The following DOCK9 variants were observed in gnomAD, a reference collection of about 807,000 sequenced individuals.
DOCK9 encodes the protein dedicator of cytokinesis protein 9.
A neutral mutation model predicts 263.3 loss-of-function variants in DOCK9; 89 were observed. That is an observed-to-expected ratio of 0.34 (90% CI 0.28 to 0.40). DOCK9 has a LOEUF of 0.40. Among genes scored for constraint, DOCK9 ranks in the 10% least tolerant of loss-of-function variants. The probability of loss-of-function intolerance (pLI) is 1.00; values close to 1 mark genes in which losing one functional copy is unlikely to be tolerated. For synonymous variants in DOCK9, 976 were observed against 973.1 expected, an observed-to-expected ratio of 1.00 and a Z score of -0.06; for missense variants, 2,140 against 2,603.4, an observed-to-expected ratio of 0.82 and a Z score of 3.87.
At chr13:98,833,694 A>C (rs1311342966) in intron 39 of DOCK9, among the ~76,000 whole-genome samples, 1 of 152,208 alleles carries the variant, frequency 6.6e-6, no homozygotes, top group Admixed American at 6.5e-5. Flanking sequence ...TTTTAAAAAG[A>C]CGTAAATAAC....
At chr13:98,817,735 GATA>G (rs2091981652) in intron 45 of DOCK9, among the ~76,000 whole-genome samples, 1 of 134,018 alleles carries the variant, frequency 7.5e-6, no homozygotes, top group African/African-American at 2.8e-5. Context: ...ACATGATACA[GATA>G]ATTGAGTTCA....
At chr13:98,830,972 C>T (rs189863501) in intron 41 of DOCK9, among the ~76,000 whole-genome samples, 1 of 152,292 alleles carries the variant, frequency 6.6e-6, no homozygotes, top group East Asian at 1.9e-4. Flanking sequence ...TTTAATTCTG[C>T]AGAGATAGCA....
intron 2 of DOCK9, among the ~76,000 whole-genome samples, chr13:98,935,278 CAATA>C (rs569909480): frequency 7.2e-5 from 11 of 151,900 alleles, no homozygotes; most frequent in African/African-American, 1.5e-4. Flanking sequence ...AACTCTTTGC[CAATA>C]AATAAATAAA....
At chr13:98,822,455 G>A (rs1471651862) in intron 45 of DOCK9, among the ~76,000 whole-genome samples, 2 of 152,160 alleles carry the variant, frequency 1.3e-5, no homozygotes, top group African/African-American at 4.8e-5. Flanking sequence ...TCCTGGCATC[G>A]TTGCTTTCCT....
chr13:98,848,880 GC>G (rs1166492462), intron 36 of DOCK9, among the ~76,000 whole-genome samples: 1 of 152,032 alleles, frequency 6.6e-6, no homozygotes, highest in African/African-American at 2.4e-5. Context: ...GTGGTGGCTG[GC>G]TAAAGCAACA....
chr13:98,903,531 C>T (rs544306827), intron 10 of DOCK9, among the ~76,000 whole-genome samples: 28 of 137,510 alleles, frequency 2.0e-4, no homozygotes, highest in Non-Finnish European at 1.2e-4. Context: ...ACCCAGGAGG[C>T]GGAGCTTGCA....
chr13:98,815,742 A>G (rs2091783022), intron 45 of DOCK9, among the ~76,000 whole-genome samples: 1 of 152,162 alleles, frequency 6.6e-6, no homozygotes, highest in Non-Finnish European at 1.5e-5. Context: ...TGGCCTCCCA[A>G]AGTGCTGGGA....
intron 1 of DOCK9, among the ~76,000 whole-genome samples, chr13:99,061,662 A>T (rs1452492914): frequency 6.6e-6 from 1 of 152,046 alleles, no homozygotes; most frequent in Admixed American, 6.5e-5. Flanking sequence ...TGAGTATCCC[A>T]GTGAGGTTTC....
intron 1 of DOCK9, chr13:99,015,902 T>A: frequency 1.9e-6 from 1 of 516,306 alleles, no homozygotes; most frequent in Non-Finnish European, 2.6e-6. Context: ...GCTTCACTCT[T>A]AATACCAAAG....
intron 1 of DOCK9, among the ~76,000 whole-genome samples, chr13:99,018,578 G>A (rs1441550758): frequency 6.6e-6 from 1 of 152,136 alleles, no homozygotes; most frequent in African/African-American, 2.4e-5. Context: ...AAAATTAGTG[G>A]GCTCTTGAAA....
intron 2 of DOCK9, among the ~76,000 whole-genome samples, chr13:98,947,507 T>A (rs1214013872): frequency 1.3e-4 from 3 of 23,986 alleles, no homozygotes; most frequent in Non-Finnish European, 2.4e-4. Context: ...CTATTCAGAA[T>A]TTTTTTTTTT....
chr13:98,935,785 T>A (rs2054718708), intron 2 of DOCK9, among the ~76,000 whole-genome samples: 1 of 151,684 alleles, frequency 6.6e-6, no homozygotes, highest in Non-Finnish European at 1.5e-5. Flanking sequence ...AAATAAAAAA[T>A]AATAATAAAA....
intron 14 of DOCK9, 147 bp from the exon 15 acceptor site, chr13:98,897,757 A>G: frequency 8.6e-7 from 1 of 1,162,340 alleles, no homozygotes. Context: ...CATGGAAAAC[A>G]TCTATGGGGA....
chr13:99,070,544 C>G (rs1415128229), intron 1 of DOCK9, among the ~76,000 whole-genome samples: 1 of 152,182 alleles, frequency 6.6e-6, no homozygotes, highest in Non-Finnish European at 1.5e-5. Context: ...TTAGCTTGCC[C>G]CCATAAATAA....
intron 21 of DOCK9, 53 bp from the exon 22 acceptor site, chr13:98,883,952 T>A: frequency 7.6e-7 from 1 of 1,311,256 alleles, no homozygotes; most frequent in Non-Finnish European, 1.1e-6. Flanking sequence ...ATTTTGGCTC[T>A]AACATGATCA....
intron 11 of DOCK9, 79 bp from the exon 12 acceptor site, chr13:98,902,570 CA>C: frequency 7.2e-7 from 1 of 1,390,640 alleles, no homozygotes; most frequent in Non-Finnish European, 9.9e-7. Flanking sequence ...AGAGAAATGA[CA>C]AGACCTATTT....
chr13:98,853,366 T>C, intron 35 of DOCK9, 42 bp downstream of exon 35: 2 of 1,338,240 alleles, frequency 1.5e-6, no homozygotes, highest in Non-Finnish European at 2.1e-6. Flanking sequence ...ACAAACCAAG[T>C]GCTGAAACGA....
At chr13:99,049,214 G>A (rs768470927) in intron 1 of DOCK9, among the ~76,000 whole-genome samples, 4 of 152,202 alleles carry the variant, frequency 2.6e-5, no homozygotes, top group Non-Finnish European at 5.9e-5. Context: ...CTGTTCATCT[G>A]AGTATGTTTA....
At chr13:98,967,138 C>T (rs1030193900) in intron 1 of DOCK9, among the ~76,000 whole-genome samples, 5 of 152,252 alleles carry the variant, frequency 3.3e-5, no homozygotes, top group Non-Finnish European at 5.9e-5. Context: ...TTGGCTATGT[C>T]ACCTTTGGAC....
Sources: allele counts gnomAD v4.1 joint callset (sites outside exome capture counted in the v4.1 genomes callset), GRCh38; gene constraint gnomAD v4.1.1; transcripts MANE v1.5; gene names NCBI Gene and HGNC (gene_info 2026-07-23, HGNC 2026-07-21).